Variants in SPG7 observed in about 807,000 individuals in gnomAD.
SPG7 encodes the protein SPG7 matrix AAA peptidase subunit, paraplegin, also known as mitochondrial inner membrane m-AAA protease component paraplegin.
In SPG7, 103 loss-of-function variants were observed where a neutral mutation model predicts 81.9. That is an observed-to-expected ratio of 1.26 (90% CI 1.07 to 1.48). The LOEUF (loss-of-function observed/expected upper bound fraction) is 1.48. Ranked by LOEUF, SPG7 falls within the 40% of genes most tolerant of loss-of-function variation. The pLI is 0.00. For missense variants in SPG7, 1,241 were observed against 1,087.3 expected (o/e 1.14, Z -1.99); for synonymous variants, 534 against 444.2 (o/e 1.20, Z -2.54).
rs867076177 is a variant in SPG7 at position 89,536,687 on chromosome 16, C to T, written c.1324+4051C>T. Reference sequence around the variant, plus strand: ...GGCGGGTGAGATCGGGCGAGGCGGGCGGCTGCGCTGCTCTGGCTGTGTGGC... The same window carrying T: ...GGCGGGTGAGATCGGGCGAGGCGGGTGGCTGCGCTGCTCTGGCTGTGTGGC... On this transcript the variant is annotated intron_variant, in intron 9 of 16. Coordinates refer to ENST00000645818, the MANE Select transcript of SPG7 (RefSeq NM_003119.4). 5.3e-5 allele frequency: 83 copies of T among 1,561,222 alleles called. No homozygotes were observed. The Middle Eastern group carries it at 1.8e-3, about 34-fold the overall frequency.
chr16:89,513,014 G>A lies in SPG7; in HGVS notation c.353G>A (p.Gly118Glu), dbSNP rs1277248146. ...AATAAGGAGAAGGATAAGTCGAAGG[G>A]GAAGGCGCCTGAAGAGGACGAAGGT... is the stretch of plus-strand genomic sequence containing the variant. ...QKNKEKDKSK[G>E]KAPEEDEEER... is the part of the protein sequence containing the mutation. Residue 118 changes from glycine to glutamate, a missense_variant, in exon 3 of 17, where the codon GGG becomes GAG. Physicochemically the swap from Gly to Glu is moderately conservative, Grantham distance 98. Transcript: ENST00000645818. 1.2e-6 allele frequency: 2 copies of A among 1,612,728 alleles called. No homozygotes were observed. Among genetic ancestry groups the A allele is most frequent in the African/African-American group, 2.7e-5 (2 of 74,870 alleles).
chr16:89,517,745 G>A (rs969341809), intron 3 of SPG7: 3 of 149,892 alleles, frequency 2.0e-5, no homozygotes, highest in African/African-American at 7.4e-5. Flanking sequence ...TCAGCCTCCC[G>A]AGTAACTGGG....
intron 16 of SPG7, chr16:89,555,610 G>A: frequency 2.9e-6 from 1 of 342,840 alleles, no homozygotes; most frequent in East Asian, 4.4e-5. Flanking sequence ...AGGCTCCTCT[G>A]GGGTGACAGT....
At position 89,550,610 on chromosome 16, in the gene SPG7, G is replaced by A; in HGVS notation, c.1779+1G>A. 6.2e-7 allele frequency: 1 copy of A among 1,610,650 alleles called. No individual in the cohort carries two copies. The highest frequency in any genetic ancestry group is 8.5e-7 in the Non-Finnish European group (1 of 1,177,472). On this transcript the variant is annotated splice_donor_variant, in intron 13 of 16. Transcript: ENST00000645818. LOFTEE classifies it high-confidence loss of function. ...GGAGCACACGGAGGCCGTGATGAAG[G>A]TGGGTCTTGGCAGGTGCCGGCTCCA...
intron 9 of SPG7, chr16:89,544,315 CG>C (rs2058536073): frequency 4.6e-6 from 1 of 219,662 alleles, no homozygotes; most frequent in African/African-American, 1.2e-4. Flanking sequence ...GATGACAGGG[CG>C]GTGGGGGGTG....
chr16:89,533,038 C>G (rs914172613), intron 9 of SPG7: 1 of 166,956 alleles, frequency 6.0e-6, no homozygotes, highest in Non-Finnish European at 1.3e-5. Context: ...CCATTGCACT[C>G]CAGCCTGCCT....
rs1201513329 is a variant in SPG7 at position 89,531,904 on chromosome 16, A to G, written c.988A>G (p.Ser330Gly). 2 of 1,614,062 alleles carry G rather than the reference A, an allele frequency of 1.2e-6. No individual in the cohort carries two copies. Among genetic ancestry groups the G allele is most frequent in the Non-Finnish European group, 8.5e-7 (1 of 1,179,954 alleles). The part of the protein sequence containing the change: ...EVREFVDYLK[S>G]PERFLQLGAK... Reference sequence around the variant, plus strand: ...TGTTGCATTGTCTGCTGCCGTCCAGAGCCCAGAACGCTTCCTCCAGCTTGG... The same window carrying G: ...TGTTGCATTGTCTGCTGCCGTCCAGGGCCCAGAACGCTTCCTCCAGCTTGG... The change falls in exon 8 of 17, where the codon AGC becomes GGC. Residue 330 changes from serine (S) to glycine (G), a missense_variant and splice_region_variant. By Grantham distance (56) the Ser-to-Gly change is moderately conservative. Coordinates refer to ENST00000645818, the MANE Select transcript of SPG7 (RefSeq NM_003119.4).
chr16:89,548,699 G>A, intron 12 of SPG7: 1 of 348,874 alleles, frequency 2.9e-6, no homozygotes, highest in South Asian at 2.1e-5. Context: ...GCTCAGTGTG[G>A]GGTCTGCGAC....
chr16:89,556,995 A>G lies in SPG7; in HGVS notation c.2290A>G (p.Ile764Val), dbSNP rs942740771. ...GAAAATGATCGCACCGCAGAGGTGGATCGACGCCCAGAGGGAGAAACAGGA... is the reference window on the plus strand; with the variant it reads ...GAAAATGATCGCACCGCAGAGGTGGGTCGACGCCCAGAGGGAGAAACAGGA... ...PKKMIAPQRWIDAQREKQDLG... is the reference protein window; with the variant it reads ...PKKMIAPQRWVDAQREKQDLG... The change falls in exon 17 of 17, where the codon ATC becomes GTC. Residue 764 changes from isoleucine to valine, a missense_variant. Transcript: ENST00000645818. 6.2e-6 allele frequency: 10 copies of G among 1,613,834 alleles called. No individual in the cohort carries two copies. The highest frequency in any genetic ancestry group is 1.7e-4 in the Middle Eastern group (1 of 6,006).
intron 10 of SPG7, chr16:89,545,986 C>T (rs1380665885): frequency 1.2e-5 from 5 of 422,832 alleles, no homozygotes; most frequent in Non-Finnish European, 1.9e-5. Flanking sequence ...GGGCGTGCGC[C>T]GCCGTGCTGG....
rs370304458 is a variant in SPG7 at position 89,553,909 on chromosome 16, G to C, written c.2052G>C (p.Met684Ile). Reference protein sequence around the residue: ...ISFPEAQEGLMGIGRRPFSQG... With the variant: ...ISFPEAQEGLIGIGRRPFSQG... Reference sequence around the variant, plus strand: ...TCCCTGAGGCGCAGGAGGGCCTCATGGGCATCGGGCGGCGCCCCTTCAGCC... The same window carrying C: ...TCCCTGAGGCGCAGGAGGGCCTCATCGGCATCGGGCGGCGCCCCTTCAGCC... Residue 684 changes from methionine to isoleucine, a missense_variant, in exon 15 of 17, where the codon ATG becomes ATC. Coordinates refer to ENST00000645818, the MANE Select transcript of SPG7 (RefSeq NM_003119.4). The C allele has an allele frequency of 1.1e-5, 18 of 1,612,834 alleles. No individual in the cohort carries two copies. Among genetic ancestry groups the C allele is most frequent in the Non-Finnish European group, 1.5e-5 (18 of 1,179,968 alleles).
At chr16:89,525,904 G>A (rs1003199042) in intron 4 of SPG7, among the ~76,000 whole-genome samples, 14 of 152,184 alleles carry the variant, frequency 9.2e-5, no homozygotes, top group African/African-American at 2.7e-4. Flanking sequence ...CACATCAGAC[G>A]TGGGGCTGTG....
At chr16:89,529,956 C>T (rs900598263) in intron 6 of SPG7, 1 of 327,706 alleles carries the variant, frequency 3.1e-6, no homozygotes. Flanking sequence ...TCTCCTGCCT[C>T]AGCTTCCCGA....
chr16:89,550,497 C>T lies in SPG7; in HGVS notation c.1667C>T (p.Thr556Ile). 1 of 1,611,422 alleles carries T rather than the reference C, an allele frequency of 6.2e-7. No individual in the cohort carries two copies. The change falls in exon 13 of 17, where the codon ACT becomes ATT. Residue 556 changes from threonine (T) to isoleucine (I), a missense_variant. By Grantham distance (89) the Thr-to-Ile change is moderately conservative. Coordinates refer to ENST00000645818, the MANE Select transcript of SPG7 (RefSeq NM_003119.4). ...TCATACCCCGGCATTCTTTCAGGGA[C>T]TGCCAAAAAGAGCAAGATCCTGTCC... is the stretch of plus-strand genomic sequence containing the variant. ...EYAVERVLAGTAKKSKILSKE... is the reference protein window; with the variant it reads ...EYAVERVLAGIAKKSKILSKE...
intron 12 of SPG7, 59 bp downstream of exon 12, chr16:89,548,172 A>G: frequency 8.3e-7 from 1 of 1,203,812 alleles, no homozygotes; most frequent in Non-Finnish European, 1.2e-6. Flanking sequence ...CCCCAGAAAT[A>G]CCCAGGCAGG....
rs2058085806 is a variant in SPG7, at chr16:89,515,692, T to C, written c.376+2655T>C. Among the ~76,000 whole-genome samples, 3 of 150,050 alleles carry C rather than the reference T, an allele frequency of 2.0e-5. No individual in the cohort carries two copies. In the South Asian group the frequency reaches 6.3e-4, roughly 32 times the overall value. On this transcript the variant is annotated intron_variant, in intron 3 of 16. Coordinates refer to ENST00000645818, the MANE Select transcript of SPG7 (RefSeq NM_003119.4). ...GAGTTTAAGACCCTCATTTCTATTA[T>C]TATTATTACTATTATTATTATTATT...
intron 9 of SPG7, among the ~76,000 whole-genome samples, chr16:89,534,322 A>G (rs1300409755): frequency 6.6e-6 from 1 of 152,186 alleles, no homozygotes; most frequent in Non-Finnish European, 1.5e-5. Flanking sequence ...TGTACTGGGC[A>G]CGTGTCAGGA....
chr16:89,533,332 T>G (rs1357527669), intron 9 of SPG7: 1 of 152,146 alleles, frequency 6.6e-6, no homozygotes, highest in Non-Finnish European at 1.5e-5. Flanking sequence ...CACGCCTGGC[T>G]AATTTTTTGT....
intron 3 of SPG7, among the ~76,000 whole-genome samples, chr16:89,515,707 T>C (rs1421027484): frequency 1.4e-5 from 2 of 144,874 alleles, no homozygotes; most frequent in Admixed American, 6.7e-5. Context: ...ATTACTATTA[T>C]TATTATTATT....
Sources: allele counts gnomAD v4.1 joint callset (sites outside exome capture counted in the v4.1 genomes callset), GRCh38; gene constraint gnomAD v4.1.1; transcripts MANE v1.5; gene names NCBI Gene and HGNC (gene_info 2026-07-23, HGNC 2026-07-21).